The following VMP1 variants were observed in gnomAD, a reference collection of about 807,000 sequenced individuals.
VMP1 encodes the protein ectopic P-granules autophagy protein 3 homolog.
VMP1 carries 11 observed loss-of-function variants against 56.0 expected under a neutral mutation model. That is an observed-to-expected ratio of 0.20 (90% CI 0.12 to 0.32). The LOEUF (loss-of-function observed/expected upper bound fraction) is 0.32, where lower values mean the gene tolerates loss of function less well. Ranked by LOEUF, VMP1 falls within the 10% of genes least tolerant of loss-of-function variation. VMP1 has a pLI of 1.00. For synonymous variants in VMP1, 149 were observed against 165.0 expected, an observed-to-expected ratio of 0.90 and a Z score of 0.74; for missense variants, 296 against 490.3, an observed-to-expected ratio of 0.60 and a Z score of 3.74.
At chr17:59,771,479 C>T (rs560890976) in intron 6 of VMP1, among the ~76,000 whole-genome samples, 14 of 151,804 alleles carry the variant, frequency 9.2e-5, no homozygotes, top group East Asian at 5.8e-4. Flanking sequence ...TTAGTTACCC[C>T]GAGATATAGT....
intron 7 of VMP1, among the ~76,000 whole-genome samples, chr17:59,784,586 G>A (rs1259243784): frequency 6.6e-6 from 1 of 152,098 alleles, no homozygotes; most frequent in Non-Finnish European, 1.5e-5. Context: ...AAAAATGTTT[G>A]TATTTTCAAC....
intron 8 of VMP1, 83 bp from the exon 9 acceptor site, chr17:59,811,587 G>A: frequency 9.7e-7 from 1 of 1,027,896 alleles, no homozygotes; most frequent in Non-Finnish European, 1.5e-6. Context: ...CAGGCTGAAA[G>A]CAGAATACCA....
chr17:59,837,045 CA>C (rs749726713), intron 10 of VMP1, among the ~76,000 whole-genome samples: 1 of 149,204 alleles, frequency 6.7e-6, no homozygotes, highest in Non-Finnish European at 1.5e-5. Flanking sequence ...ACTAAAAATA[CA>C]AAAAAAAATA....
intron 1 of VMP1, among the ~76,000 whole-genome samples, chr17:59,720,208 A>G (rs1262182974): frequency 6.6e-6 from 1 of 152,248 alleles, no homozygotes; most frequent in African/African-American, 2.4e-5. Flanking sequence ...ACATTGTATC[A>G]TCACAGATTT....
At chr17:59,838,423 C>G (rs2039053978) in intron 11 of VMP1, 26 bp downstream of exon 11, 2 of 1,610,902 alleles carry the variant, frequency 1.2e-6, no homozygotes, top group East Asian at 2.2e-5. Context: ...GGTTTCTTCT[C>G]CCCTCTGGGA....
Position 59,839,796 on chromosome 17 carries a change from A to AAAAG in VMP1, c.1107_1110dup (p.Leu371LysfsTer16). On this transcript the variant is annotated frameshift_variant, in exon 12 of 12. Transcript: ENST00000262291. LOFTEE classifies it high-confidence loss of function. ...GAAAACTGGTTGTCCTGGATGTTTG[A>AAAAG]AAAGTTGGTCGTTGTCATGGTGTGT... 6.2e-7 allele frequency: 1 copy of AAAAG among 1,612,658 alleles called. No individual in the cohort carries two copies. Among genetic ancestry groups the AAAAG allele is most frequent in the Non-Finnish European group, 8.5e-7 (1 of 1,179,742 alleles).
At chr17:59,813,367 C>T (rs1258510901) in intron 9 of VMP1, among the ~76,000 whole-genome samples, 2 of 152,040 alleles carry the variant, frequency 1.3e-5, no homozygotes, top group Non-Finnish European at 2.9e-5. Context: ...CACCTGAGGT[C>T]GGAAGTTCCA....
Position 59,841,089 on chromosome 17 carries a change from C to T in VMP1, c.*1178C>T. 5.8e-6 allele frequency: 1 copy of T among 171,820 alleles called. No individual in the cohort carries two copies. Among genetic ancestry groups the T allele is most frequent in the Non-Finnish European group, 1.3e-5 (1 of 75,824 alleles). 10.6% of individuals were successfully genotyped at this position (171,820 alleles called of 1,614,324 possible). On this transcript the variant is annotated 3_prime_UTR_variant, in exon 12 of 12. Transcript: ENST00000262291. ...GGAAAATAAACAATTTTACTTTTTT[C>T]CTTTAGGAGCATTATGAGCATTATG...
chr17:59,749,199 C>A (rs986928978), intron 5 of VMP1, among the ~76,000 whole-genome samples: 1 of 151,604 alleles, frequency 6.6e-6, no homozygotes, highest in Non-Finnish European at 1.5e-5. Flanking sequence ...CCTCGCGATC[C>A]GCCTACCTCA....
chr17:59,735,193 C>A, intron 2 of VMP1, 145 bp from the exon 3 acceptor site: 1 of 1,032,426 alleles, frequency 9.7e-7, no homozygotes, highest in Non-Finnish European at 1.4e-6. Flanking sequence ...ATTATAGGTA[C>A]TACTAGTTGC....
chr17:59,832,761 A>ATTTTTTTTTTTTTTTTTTT (rs71145580), intron 10 of VMP1, among the ~76,000 whole-genome samples: 1 of 101,346 alleles, frequency 9.9e-6, no homozygotes, highest in African/African-American at 4.0e-5. Context: ...GCCTGGCAAT[A>ATTTTTTTTTTTTTTTTTTT]TTTTTTTTTT....
intron 1 of VMP1, among the ~76,000 whole-genome samples, chr17:59,713,789 T>A (rs2034034056): frequency 6.8e-6 from 1 of 148,114 alleles, no homozygotes; most frequent in African/African-American, 2.5e-5. Context: ...ACACCTGTAA[T>A]CCCAACACTG....
chr17:59,738,945 C>T lies in VMP1; in HGVS notation c.412C>T (p.Leu138=). 1.3e-6 allele frequency: 2 copies of T among 1,589,892 alleles called. No homozygotes were observed. Among genetic ancestry groups the T allele is most frequent in the Admixed American group, 3.7e-5 (2 of 54,572 alleles). Residue 138 remains leucine, a splice_region_variant and synonymous_variant, in exon 5 of 12, where the codon CTG becomes TTG. Transcript: ENST00000262291. ...GTGLHTFLLY[L]GPHIASVTLA... ...AGGGCTGCACACCTTTCTGCTTTAT[C>T]TGGTAAGAATAATTTTATTTTAATA...
At chr17:59,777,410 T>C (rs1218232763) in intron 7 of VMP1, among the ~76,000 whole-genome samples, 1 of 152,152 alleles carries the variant, frequency 6.6e-6, no homozygotes, top group Admixed American at 6.6e-5. Context: ...CTGTAATTGG[T>C]ATCCAGAGGA....
At chr17:59,823,818 C>A (rs1482405733) in intron 10 of VMP1, among the ~76,000 whole-genome samples, 1 of 151,928 alleles carries the variant, frequency 6.6e-6, no homozygotes, top group East Asian at 1.9e-4. Flanking sequence ...AGAATGCAGT[C>A]TTTTGAAGGA....
chr17:59,835,086 G>A (rs1008419227), intron 10 of VMP1, among the ~76,000 whole-genome samples: 7 of 152,130 alleles, frequency 4.6e-5, no homozygotes, highest in Admixed American at 1.3e-4. Context: ...GGTAGAGACA[G>A]GGTTTCACCA....
At chr17:59,804,732 A>G (rs1329107879) in intron 7 of VMP1, among the ~76,000 whole-genome samples, 2 of 152,028 alleles carry the variant, frequency 1.3e-5, no homozygotes, top group Non-Finnish European at 2.9e-5. Context: ...TAAAATACCA[A>G]TGCAGTGCTT....
chr17:59,707,687 TGA>T lies in VMP1; in HGVS notation c.-84_-83del. ...GTTGTCTGGAGCCCAGCGGCGGGTG[TGA>T]GAGTCCGTAAGGAGCAGCTTCCAGG... On this transcript the variant is annotated 5_prime_UTR_variant, in exon 1 of 12. Coordinates refer to ENST00000262291, the MANE Select transcript of VMP1 (RefSeq NM_030938.5). 1 of 152,258 alleles carries T rather than the reference TGA, an allele frequency of 6.6e-6. No homozygotes were observed. The highest frequency in any genetic ancestry group is 1.9e-4 in the East Asian group (1 of 5,164). The allele number at this position is 152,258 out of a possible 1,614,324, so 9.4% of individuals were successfully genotyped here. A position where few individuals can be genotyped will look rare whatever the true frequency, so the allele number is the denominator to read the frequency against.
Position 59,735,316 on chromosome 17 carries a change from T to A in VMP1, c.77-22T>A, listed in dbSNP as rs375185376. ...ATAAATGTTAGAAATTCTGTTTTAATCTCTGCACTATTGTTTTTCAGACCC... is the reference window on the plus strand; with the variant it reads ...ATAAATGTTAGAAATTCTGTTTTAAACTCTGCACTATTGTTTTTCAGACCC... On this transcript the variant is annotated intron_variant, in intron 2 of 11. Transcript: ENST00000262291. The A allele has an allele frequency of 1.1e-4, 177 of 1,610,966 alleles. 2 individuals are homozygous for A. The South Asian group carries it at 1.7e-3, about 16-fold the overall frequency.
Sources: gnomAD v4.1 joint callset for allele counts (sites outside exome capture counted in the v4.1 genomes callset) on GRCh38, gnomAD v4.1.1 for gene constraint, MANE v1.5 for transcripts, NCBI Gene and HGNC (gene_info 2026-07-23, HGNC 2026-07-21) for gene names.